The following TRDN variants were observed in gnomAD, a reference collection of about 807,000 sequenced individuals.
TRDN encodes triadin in skeletal muscle.
TRDN carries 161 observed loss-of-function variants against 149.7 expected under a neutral mutation model. That is an observed-to-expected ratio of 1.08 (90% CI 0.95 to 1.23). The LOEUF (loss-of-function observed/expected upper bound fraction) is 1.23. Among genes scored for constraint, TRDN ranks in the 50% most tolerant of loss-of-function variants. The probability of loss-of-function intolerance (pLI) is 0.00; values close to 1 mark genes in which losing one functional copy is unlikely to be tolerated. For missense variants in TRDN, 896 were observed against 823.5 expected (o/e 1.09, Z -1.08); for synonymous variants, 294 against 250.5 (o/e 1.17, Z -1.64).
At chr6:123,238,864 C>A (rs939877263) in intron 38 of TRDN, among the ~76,000 whole-genome samples, 1 of 152,070 alleles carries the variant, frequency 6.6e-6, no homozygotes, top group East Asian at 1.9e-4. Flanking sequence ...GTTTTTGACA[C>A]GGAGTCTCAC....
chr6:123,242,908 G>A (rs1187021920), intron 38 of TRDN, among the ~76,000 whole-genome samples: 1 of 152,022 alleles, frequency 6.6e-6, no homozygotes, highest in Non-Finnish European at 1.5e-5. Context: ...AACTCATATT[G>A]AGCCCCACAG....
At chr6:123,349,522 T>G (rs1780375930) in intron 21 of TRDN, 1 of 896,034 alleles carries the variant, frequency 1.1e-6, no homozygotes, top group South Asian at 5.2e-5. Flanking sequence ...ACAGCATGAC[T>G]TAGTCAACAT....
chr6:123,570,036 T>C (rs890549245), intron 2 of TRDN, among the ~76,000 whole-genome samples: 1 of 152,216 alleles, frequency 6.6e-6, no homozygotes, highest in African/African-American at 2.4e-5. Flanking sequence ...ATTTGATTGC[T>C]GAATGAGTAA....
intron 23 of TRDN, among the ~76,000 whole-genome samples, chr6:123,322,827 G>A (rs866040525): frequency 9.2e-5 from 14 of 151,868 alleles, no homozygotes; most frequent in Middle Eastern, 6.8e-3. Context: ...TTTTAGTAGA[G>A]ACGGGGTTTC....
chr6:123,284,644 A>T (rs1365662300), intron 24 of TRDN, among the ~76,000 whole-genome samples: 1 of 152,100 alleles, frequency 6.6e-6, no homozygotes. Context: ...TGTTCAACAT[A>T]GTACTGGAAA....
At chr6:123,350,530 A>G in intron 21 of TRDN, 1 of 671,330 alleles carries the variant, frequency 1.5e-6, no homozygotes, top group South Asian at 6.8e-5. Context: ...AAGAAAGCAA[A>G]GTATACAAGT....
At chr6:123,237,183 A>T (rs1479438670) in intron 38 of TRDN, among the ~76,000 whole-genome samples, 3 of 151,892 alleles carry the variant, frequency 2.0e-5, no homozygotes, top group Non-Finnish European at 2.9e-5. Flanking sequence ...AATTTTTTTT[A>T]AATTTTGTTT....
At chr6:123,503,561 C>A (rs557083225) in intron 8 of TRDN, 158 bp downstream of exon 8, 1 of 1,435,550 alleles carries the variant, frequency 7.0e-7, no homozygotes, top group Non-Finnish European at 9.1e-7. Flanking sequence ...TATTAATTCC[C>A]AATTTACTGT....
At chr6:123,414,680 T>G (rs939732432) in intron 12 of TRDN, among the ~76,000 whole-genome samples, 3 of 152,078 alleles carry the variant, frequency 2.0e-5, no homozygotes, top group Non-Finnish European at 4.4e-5. Flanking sequence ...ACATTACATT[T>G]TAGGGGAAAA....
chr6:123,571,575 G>T (rs904106596), intron 1 of TRDN, among the ~76,000 whole-genome samples: 1 of 151,912 alleles, frequency 6.6e-6, no homozygotes, highest in African/African-American at 2.4e-5. Flanking sequence ...ACTATATCCA[G>T]TACCTCTTTT....
intron 21 of TRDN, among the ~76,000 whole-genome samples, chr6:123,343,872 T>G (rs1780156053): frequency 6.6e-6 from 1 of 152,056 alleles, no homozygotes; most frequent in Admixed American, 6.6e-5. Context: ...ATTCATATGT[T>G]GAAATCCTAC....
chr6:123,618,242 C>G (rs1457289710), intron 1 of TRDN, among the ~76,000 whole-genome samples: 1 of 152,144 alleles, frequency 6.6e-6, no homozygotes, highest in Non-Finnish European at 1.5e-5. Flanking sequence ...TCTCAAGGAG[C>G]TAAAATCAAA....
chr6:123,365,398 C>A (rs1393768272), intron 20 of TRDN, among the ~76,000 whole-genome samples: 1 of 152,012 alleles, frequency 6.6e-6, no homozygotes, highest in Non-Finnish European at 1.5e-5. Context: ...CATTTATATT[C>A]ATATGTATAC....
intron 10 of TRDN, among the ~76,000 whole-genome samples, chr6:123,452,876 A>G (rs1775871001): frequency 6.6e-6 from 1 of 152,188 alleles, no homozygotes; most frequent in Non-Finnish European, 1.5e-5. Flanking sequence ...AGTCACCAAA[A>G]TATCATGGTA....
chr6:123,426,582 T>C (rs1774128152), intron 12 of TRDN, among the ~76,000 whole-genome samples: 1 of 152,296 alleles, frequency 6.6e-6, no homozygotes, highest in Middle Eastern at 3.4e-3. Flanking sequence ...AGCCATGGTG[T>C]ATTTTCTTCT....
intron 12 of TRDN, chr6:123,418,672 A>T (rs1439735885): frequency 6.6e-6 from 1 of 151,564 alleles, no homozygotes; most frequent in Non-Finnish European, 1.5e-5. Flanking sequence ...TTTCCTCTAC[A>T]CTCAACCCCC....
chr6:123,490,991 A>C (rs1443846785), intron 9 of TRDN, among the ~76,000 whole-genome samples: 1 of 152,088 alleles, frequency 6.6e-6, no homozygotes, highest in Non-Finnish European at 1.5e-5. Flanking sequence ...CTGTAGTCCC[A>C]GCTACTCGCA....
chr6:123,424,685 A>T (rs915632737), intron 12 of TRDN, among the ~76,000 whole-genome samples: 1 of 152,200 alleles, frequency 6.6e-6, no homozygotes, highest in East Asian at 1.9e-4. Context: ...AATGGCAAGC[A>T]TGTGTGATTA....
chr6:123,274,933 C>T (rs1199378794), intron 26 of TRDN, among the ~76,000 whole-genome samples: 1 of 152,018 alleles, frequency 6.6e-6, no homozygotes, highest in Non-Finnish European at 1.5e-5. Flanking sequence ...GAAACAGAAA[C>T]ATGCTTTGCA....
Sources: gnomAD v4.1 joint callset for allele counts (sites outside exome capture counted in the v4.1 genomes callset) on GRCh38, gnomAD v4.1.1 for gene constraint, MANE v1.5 for transcripts, NCBI Gene and HGNC (gene_info 2026-07-23, HGNC 2026-07-21) for gene names.